The following CYP2B6 variants were observed in gnomAD, a reference collection of about 807,000 sequenced individuals.
CYP2B6 encodes the protein cytochrome P450 family 2 subfamily B member 6.
In CYP2B6, 35 loss-of-function variants were observed where a neutral mutation model predicts 43.4. The ratio of observed to expected loss-of-function variants is 0.81; its 90% confidence interval spans 0.62 to 1.07. The LOEUF is 1.07. Among genes scored for constraint, CYP2B6 ranks in the 50% least tolerant of loss-of-function variants. CYP2B6 has a pLI of 0.00. For missense variants in CYP2B6, 624 were observed against 632.8 expected (o/e 0.99, Z 0.15); for synonymous variants, 239 against 239.2 (o/e 1.00, Z 0.01).
intron 5 of CYP2B6, 101 bp from the exon 6 acceptor site, chr19:41,009,893 A>T (rs1191623097): frequency 6.9e-7 from 1 of 1,454,360 alleles, no homozygotes; most frequent in Non-Finnish European, 9.6e-7. Flanking sequence ...ATAGTGTCAA[A>T]GACCTTTAGG....
chr19:41,011,850 G>A (rs1337214967), intron 6 of CYP2B6, among the ~76,000 whole-genome samples: 1 of 152,158 alleles, frequency 6.6e-6, no homozygotes, highest in Admixed American at 6.5e-5. Flanking sequence ...CTCACCCCAT[G>A]CTGATTACTT....
In CYP2B6 at chr19:41,012,694, C is replaced by A; in HGVS notation, c.1173C>A (p.Ile391=). Residue 391 remains isoleucine (I), a synonymous_variant, in exon 8 of 9, where the codon ATC becomes ATA. Transcript: ENST00000324071. ...IIPKDTEVFL[I]LSTALHDPHY... is the part of the protein sequence containing the mutation. ...CTCAGGACACAGAAGTATTTCTCAT[C>A]CTGAGCACTGCTCTCCATGACCCAC... 1 of 1,614,048 alleles carries A rather than the reference C, an allele frequency of 6.2e-7. No individual in the cohort carries two copies. Among genetic ancestry groups the A allele is most frequent in the Non-Finnish European group, 8.5e-7 (1 of 1,180,002 alleles).
chr19:41,005,451 A>G (rs141111696), intron 3 of CYP2B6, among the ~76,000 whole-genome samples: 198 of 152,056 alleles, frequency 1.3e-3, no homozygotes, highest in African/African-American at 4.6e-3. Flanking sequence ...AAACAGTGAC[A>G]CAGGCAGGAG....
rs1969379432 is a variant in CYP2B6 at position 41,016,903 on chromosome 19, C to T, written c.*76C>T. Reference sequence around the variant, plus strand: ...GCCTCTGTAGACAATGGCTCTGACTCCCCGCAACTTCCTGCCTCTGAGAGA... The same window carrying T: ...GCCTCTGTAGACAATGGCTCTGACTTCCCGCAACTTCCTGCCTCTGAGAGA... On this transcript the variant is annotated 3_prime_UTR_variant, in exon 9 of 9. Coordinates refer to ENST00000324071, the MANE Select transcript of CYP2B6 (RefSeq NM_000767.5). 1.3e-6 allele frequency: 2 copies of T among 1,486,792 alleles called. No individual in the cohort carries two copies. The highest frequency in any genetic ancestry group is 9.2e-7 in the Non-Finnish European group (1 of 1,090,982). 92.1% of individuals were successfully genotyped at this position (1,486,792 alleles called of 1,614,324 possible).
At chr19:40,992,092 C>T (rs1872122) in intron 1 of CYP2B6, among the ~76,000 whole-genome samples, 43,771 of 151,108 alleles carry the variant, frequency 0.29, 7,221 homozygotes, top group East Asian at 0.44. Flanking sequence ...ATCTCAGCTA[C>T]CCAGGAGGCT....
At chr19:40,995,501 T>C (rs2144658495) in intron 1 of CYP2B6, among the ~76,000 whole-genome samples, 1 of 152,300 alleles carries the variant, frequency 6.6e-6, no homozygotes, top group South Asian at 2.1e-4. Context: ...GCCCAACCTC[T>C]AAATTCTAGA....
At chr19:41,015,371 G>A (rs576006683) in intron 8 of CYP2B6, among the ~76,000 whole-genome samples, 206 of 152,258 alleles carry the variant, frequency 1.4e-3, no homozygotes, top group African/African-American at 4.8e-3. Context: ...CACCTTCTGG[G>A]TATGCCAAAG....
chr19:40,993,914 A>C (rs1968961102), intron 1 of CYP2B6, among the ~76,000 whole-genome samples: 3 of 152,146 alleles, frequency 2.0e-5, no homozygotes, highest in African/African-American at 7.2e-5. Flanking sequence ...AAATTGCGTG[A>C]TGTTCCATTA....
intron 1 of CYP2B6, among the ~76,000 whole-genome samples, chr19:40,992,303 CT>C (rs1287492872): frequency 1.3e-5 from 2 of 151,940 alleles, no homozygotes; most frequent in African/African-American, 2.4e-5. Flanking sequence ...CAATTCTCCC[CT>C]TTTGGTCAGC....
chr19:41,004,563 G>A, intron 3 of CYP2B6, 117 bp downstream of exon 3: 3 of 1,179,606 alleles, frequency 2.5e-6, no homozygotes, highest in South Asian at 1.3e-5. Flanking sequence ...GACGAAACTG[G>A]AGACACCATC....
chr19:41,011,821 T>C (rs550201227), intron 6 of CYP2B6, among the ~76,000 whole-genome samples: 4 of 152,234 alleles, frequency 2.6e-5, no homozygotes, highest in Non-Finnish European at 4.4e-5. Flanking sequence ...AGAATTCTTG[T>C]TGCTTCCTCC....
chr19:40,994,560 C>G (rs1968971872), intron 1 of CYP2B6, among the ~76,000 whole-genome samples: 1 of 152,030 alleles, frequency 6.6e-6, no homozygotes, highest in African/African-American at 2.4e-5. Flanking sequence ...CTCTTGGCCT[C>G]AAGCAATCCT....
chr19:41,016,967 G>C lies in CYP2B6; in HGVS notation c.*140G>C. The C allele has an allele frequency of 5.1e-6, 4 of 780,012 alleles. No individual in the cohort carries two copies. Among genetic ancestry groups the C allele is most frequent in the Non-Finnish European group, 6.1e-6 (3 of 488,928 alleles). The allele number at this position is 780,012 out of a possible 1,614,324, so 48.3% of individuals were successfully genotyped here. On this transcript the variant is annotated 3_prime_UTR_variant, in exon 9 of 9. Coordinates refer to ENST00000324071, the MANE Select transcript of CYP2B6 (RefSeq NM_000767.5). The stretch of plus-strand genomic sequence containing the variant: ...AGCTTCCTTCCCCTCCATGGCACCA[G>C]TTGTCTGAGGTCACATTGCAAGTGA...
At position 41,012,493 on chromosome 19, in the gene CYP2B6, C is replaced by A. The variant is rs148605404; in HGVS notation, c.1152+8C>A. On this transcript the variant is annotated splice_region_variant and intron_variant, in intron 7 of 8. Transcript: ENST00000324071. ...GGGTACATCATCCCCAAGGTAAGAC[C>A]GGCTGGAACCCCATAGCCCTCCTGT... is the stretch of plus-strand genomic sequence containing the variant. 70 of 1,614,012 alleles carry A rather than the reference C, an allele frequency of 4.3e-5. No homozygotes were observed. The highest frequency in any genetic ancestry group is 4.2e-4 in the East Asian group (19 of 44,882).
intron 6 of CYP2B6, among the ~76,000 whole-genome samples, chr19:41,011,969 G>A (rs1339684328): frequency 1.3e-5 from 2 of 151,932 alleles, no homozygotes; most frequent in Non-Finnish European, 2.9e-5. Context: ...TTTCTTTTGA[G>A]ATGGAGTCTT....
At chr19:41,002,330 T>G (rs553208015) in intron 1 of CYP2B6, among the ~76,000 whole-genome samples, 1 of 152,190 alleles carries the variant, frequency 6.6e-6, no homozygotes, top group South Asian at 2.1e-4. Context: ...CTTAACAAAT[T>G]TTATGACTTT....
intron 8 of CYP2B6, among the ~76,000 whole-genome samples, chr19:41,013,941 C>G (rs1432291484): frequency 1.3e-5 from 2 of 152,226 alleles, no homozygotes; most frequent in East Asian, 3.8e-4. Context: ...CTGAGCATGT[C>G]TGGGCAGCTT....
intron 1 of CYP2B6, among the ~76,000 whole-genome samples, chr19:40,994,837 A>G (rs1044790427): frequency 1.3e-5 from 2 of 152,130 alleles, no homozygotes; most frequent in Non-Finnish European, 2.9e-5. Flanking sequence ...AACTAATAAC[A>G]TAATCACTAC....
intron 1 of CYP2B6, among the ~76,000 whole-genome samples, chr19:41,001,679 T>C (rs1403994762): frequency 2.6e-5 from 4 of 152,160 alleles, no homozygotes; most frequent in Non-Finnish European, 5.9e-5. Flanking sequence ...CACTCATTCA[T>C]TTATTCACGA....
Sources: allele counts gnomAD v4.1 joint callset (sites outside exome capture counted in the v4.1 genomes callset), GRCh38; gene constraint gnomAD v4.1.1; transcripts MANE v1.5; gene names NCBI Gene and HGNC (gene_info 2026-07-23, HGNC 2026-07-21).